Variants in DNM2 observed in about 807,000 individuals in gnomAD.
DNM2 encodes dynamin 2.
Under a neutral mutation model 99.0 loss-of-function variants are expected in DNM2, and 15 were observed. The ratio of observed to expected loss-of-function variants is 0.15; its 90% CI spans 0.10 to 0.23. The LOEUF (loss-of-function observed/expected upper bound fraction) is 0.23, where lower values mean the gene tolerates loss of function less well. Among genes scored for constraint, DNM2 ranks in the 10% least tolerant of loss-of-function variants. The pLI, the probability that DNM2 is intolerant of heterozygous loss-of-function variation, is 1.00. For synonymous variants in DNM2, 525 were observed against 481.2 expected (o/e 1.09, Z -1.19); for missense variants, 742 against 1,189.4 (o/e 0.62, Z 5.53).
chr19:10,786,672 G>A lies in DNM2; in HGVS notation c.958G>A (p.Asp320Asn), dbSNP rs150613209. The change falls in exon 7 of 21, where the codon GAC becomes AAC. Residue 320 changes from aspartate (D) to asparagine (N), a missense_variant. Asp to Asn is a conservative substitution (Grantham distance 23). This residue lies in a region of DNM2 where 44 missense variants were observed against 41.3 expected (regional missense o/e 1.06). Transcript: ENST00000389253. ...EVEEYKNFRP[D>N]DPTRKTKALL... ...GGAGGAGTACAAGAACTTTCGGCCC[G>A]ACGACCCCACCCGCAAAACCAAAGC... The A allele has an allele frequency of 6.4e-5, 103 of 1,614,034 alleles. No homozygotes were observed. The African/African-American group carries it at 8.5e-4, about 13-fold the overall frequency.
At chr19:10,789,318 C>T (rs1422601144) in intron 7 of DNM2, among the ~76,000 whole-genome samples, 1 of 152,166 alleles carries the variant, frequency 6.6e-6, no homozygotes, top group Non-Finnish European at 1.5e-5. Context: ...TGGGTGACCA[C>T]AGGCAGGTGA....
intron 2 of DNM2, among the ~76,000 whole-genome samples, chr19:10,768,362 G>A (rs1278327788): frequency 2.6e-5 from 4 of 152,120 alleles, no homozygotes; most frequent in African/African-American, 7.2e-5. Flanking sequence ...GCTAAGGTAG[G>A]AGAATGGCAT....
At chr19:10,749,966 C>CA (rs1343458569) in intron 1 of DNM2, among the ~76,000 whole-genome samples, 8 of 152,196 alleles carry the variant, frequency 5.3e-5, no homozygotes, top group Admixed American at 5.2e-4. Flanking sequence ...AGAGAGAACT[C>CA]AGAGGAGGCA....
At chr19:10,782,332 C>A (rs1021233640) in intron 5 of DNM2, among the ~76,000 whole-genome samples, 1 of 64,422 alleles carries the variant, frequency 1.6e-5, no homozygotes, top group African/African-American at 5.4e-5. Context: ...CCGCACCTGG[C>A]CTTGAGATTT....
At chr19:10,779,901 G>A (rs980659154) in intron 5 of DNM2, among the ~76,000 whole-genome samples, 7 of 151,834 alleles carry the variant, frequency 4.6e-5, no homozygotes, top group African/African-American at 1.2e-4. Context: ...TGATCCACCC[G>A]CCTCAGCCTC....
chr19:10,737,266 C>T (rs1316086865), intron 1 of DNM2, among the ~76,000 whole-genome samples: 1 of 152,134 alleles, frequency 6.6e-6, no homozygotes, highest in East Asian at 1.9e-4. Context: ...ATGGCTTTTT[C>T]ACATGCTGCT....
chr19:10,810,717 A>C (rs1220829269), intron 14 of DNM2: 1 of 152,168 alleles, frequency 6.6e-6, no homozygotes, highest in East Asian at 1.9e-4. Context: ...TCTCTGGGGG[A>C]GCACCGACAG....
At chr19:10,789,827 T>TCC in intron 7 of DNM2, among the ~76,000 whole-genome samples, 5 of 152,294 alleles carry the variant, frequency 3.3e-5, no homozygotes, top group African/African-American at 1.2e-4. Context: ...AGAGCGAGAC[T>TCC]GTATCTCAAA....
intron 8 of DNM2, 26 bp downstream of exon 8, chr19:10,793,881 C>T: frequency 6.2e-7 from 1 of 1,614,024 alleles, no homozygotes. Flanking sequence ...GCTGGGCCCT[C>T]CCGTCTCTGG....
chr19:10,781,110 A>C (rs1412127030), intron 5 of DNM2, among the ~76,000 whole-genome samples: 1 of 151,598 alleles, frequency 6.6e-6, no homozygotes, highest in Non-Finnish European at 1.5e-5. Flanking sequence ...GGATGGCTTG[A>C]GCCCAGGAGT....
intron 6 of DNM2, among the ~76,000 whole-genome samples, chr19:10,785,187 G>A (rs866419014): frequency 1.3e-5 from 2 of 151,782 alleles, no homozygotes; most frequent in Non-Finnish European, 2.9e-5. Flanking sequence ...GCACAATCTC[G>A]GCTCACTGTA....
rs1315906875 is a variant in DNM2, at chr19:10,775,086, T to C, written c.386-617T>C. On this transcript the variant is annotated intron_variant, in intron 3 of 20. Transcript: ENST00000389253. This position sits in a 1 kb window ranked among gnomAD's most constrained non-coding sequence, Gnocchi z 4.3. ...GCGCCTGGCCTCATCCATTTGTCTT[T>C]TGTTTTTGTTTTTTTGAGACAGTCT... 2.6e-5 allele frequency among the ~76,000 whole-genome samples: 4 copies of C among 151,432 alleles called. No homozygotes were observed. The highest frequency in any genetic ancestry group is 4.4e-5 in the Non-Finnish European group (3 of 67,906).
intron 18 of DNM2, among the ~76,000 whole-genome samples, chr19:10,826,593 A>C (rs2073150231): frequency 6.6e-6 from 1 of 152,168 alleles, no homozygotes; most frequent in Non-Finnish European, 1.5e-5. Context: ...AAGCTTTATA[A>C]ACCAGCTTTG....
chr19:10,751,527 T>C (rs2070194362), intron 1 of DNM2, among the ~76,000 whole-genome samples: 1 of 152,172 alleles, frequency 6.6e-6, no homozygotes, highest in African/African-American at 2.4e-5. Flanking sequence ...CCTGCTGCTG[T>C]GTCCCAGAAA....
chr19:10,736,573 T>TAAC (rs2069534341), intron 1 of DNM2, among the ~76,000 whole-genome samples: 1 of 152,238 alleles, frequency 6.6e-6, no homozygotes, highest in Non-Finnish European at 1.5e-5. Flanking sequence ...TCATTGTGTA[T>TAAC]TAGTACGTGG....
At position 10,802,344 on chromosome 19, in the gene DNM2, C is replaced by T. The variant is rs2072182035; in HGVS notation, c.1479C>T (p.Phe493=). 2 of 1,614,186 alleles carry T rather than the reference C, an allele frequency of 1.2e-6. No homozygotes were observed. Among genetic ancestry groups the T allele is most frequent in the South Asian group, 1.1e-5 (1 of 91,086 alleles). Residue 493 remains phenylalanine (F), a synonymous_variant, in exon 12 of 21, where the codon TTC becomes TTT. Transcript: ENST00000389253. ...ACATCAACACGAACCATGAGGACTT[C>T]ATCGGGTTTGCCAAGTAGGTACTTT... is the stretch of plus-strand genomic sequence containing the variant. The part of the protein sequence containing the change: ...QSYINTNHED[F]IGFANAQQRS...
chr19:10,822,301 C>T lies in DNM2; in HGVS notation c.1782-1487C>T, dbSNP rs553949669. ...ACCTCCCATGCTCAAGTGATCCTCC[C>T]GCCTCGGCCTCCCGAGTAGCTGGGA... On this transcript the variant is annotated intron_variant, in intron 16 of 20. Transcript: ENST00000389253. 1.5e-4 allele frequency among the ~76,000 whole-genome samples: 22 copies of T among 151,424 alleles called. 1 individual carries two copies. In the South Asian group the frequency reaches 2.7e-3, roughly 19 times the overall value.
chr19:10,803,610 G>C, intron 12 of DNM2: 1 of 986,290 alleles, frequency 1.0e-6, no homozygotes, highest in Non-Finnish European at 1.2e-6. Flanking sequence ...TCTTTCCTCT[G>C]GATTCCTGGG....
Position 10,831,537 on chromosome 19 carries a change from T to G in DNM2, c.*490T>G. The G allele has an allele frequency of 1.0e-6, 1 of 986,762 alleles. No individual in the cohort carries two copies. Among genetic ancestry groups the G allele is most frequent in the Non-Finnish European group, 1.2e-6 (1 of 830,560 alleles). 61.1% of individuals were successfully genotyped at this position (986,762 alleles called of 1,614,324 possible). ...CCCAGTGGGCTCGGTAGTGCCCAGC[T>G]GGCAGGCCTGAGGTGTACATAGTCC... On this transcript the variant is annotated 3_prime_UTR_variant, in exon 21 of 21. Coordinates refer to ENST00000389253, the MANE Select transcript of DNM2 (RefSeq NM_001005361.3). The surrounding 1 kb of genome is among the most constrained non-coding windows in gnomAD (Gnocchi z 4.3).
Sources: gnomAD v4.1 joint callset for allele counts (sites outside exome capture counted in the v4.1 genomes callset) on GRCh38, gnomAD v4.1.1 for gene constraint, gnomAD v4.1.1 regional missense constraint, Gnocchi (gnomAD v3.1) non-coding constraint, MANE v1.5 for transcripts, NCBI Gene and HGNC (gene_info 2026-07-23, HGNC 2026-07-21) for gene names.